SIVA1: variants seen among roughly 807,000 people sequenced by gnomAD.
The protein encoded by SIVA1 is SIVA1 apoptosis inducing factor, also known as apoptosis regulatory protein Siva.
A neutral mutation model predicts 19.7 loss-of-function variants in SIVA1; 10 were observed. That is an observed-to-expected ratio of 0.51 (90% CI 0.31 to 0.86). The LOEUF (loss-of-function observed/expected upper bound fraction) is 0.86, where lower values mean the gene tolerates loss of function less well. SIVA1 is among the 40% of genes least tolerant of loss of function. The pLI, the probability that SIVA1 is intolerant of heterozygous loss-of-function variation, is 0.04. For missense variants in SIVA1, 241 were observed against 245.2 expected, an observed-to-expected ratio of 0.98 and a Z score of 0.11; for synonymous variants, 130 against 106.1, an observed-to-expected ratio of 1.23 and a Z score of -1.39.
At chr14:104,756,146 C>G in intron 2 of SIVA1, 1 of 490,036 alleles carries the variant, frequency 2.0e-6, no homozygotes, top group South Asian at 2.0e-5. Context: ...AGTGTGGGGT[C>G]TCAGAGCATC....
rs1017667212 is a variant in SIVA1, at chr14:104,759,186, G to A, written c.471-242G>A. 4.1e-5 allele frequency: 16 copies of A among 392,508 alleles called. No individual in the cohort carries two copies. The highest frequency in any genetic ancestry group is 3.1e-4 in the South Asian group (6 of 19,334). The allele number at this position is 392,508 out of a possible 1,614,324, so 24.3% of individuals were successfully genotyped here. A position where few individuals can be genotyped will look rare whatever the true frequency, so the allele number is the denominator to read the frequency against. On this transcript the variant is annotated intron_variant, in intron 3 of 3. Coordinates refer to ENST00000329967, the MANE Select transcript of SIVA1 (RefSeq NM_006427.4). This position sits in a 1 kb window ranked among gnomAD's most constrained non-coding sequence, Gnocchi z 4.2. ...TGCCCCCTCCCTGTATCTTCATGTC[G>A]TCTTCCTTCTCTGTGTCCTTCTCTT...
At chr14:104,755,961 C>A in intron 2 of SIVA1, 137 bp downstream of exon 2, 1 of 814,346 alleles carries the variant, frequency 1.2e-6, no homozygotes, top group Non-Finnish European at 2.1e-6. Context: ...CCTTCTGGCT[C>A]AGAAGGCTCC....
rs368173980 is a variant in SIVA1, at chr14:104,755,208, A to T, written c.119-422A>T. 2.7e-4 allele frequency among the ~76,000 whole-genome samples: 41 copies of T among 152,316 alleles called. No individual in the cohort carries two copies. In the East Asian group the frequency reaches 4.2e-3, roughly 16 times the overall value. ...GACGAGTTTTGTGAATTAGTGCTCC[A>T]CAGTGCAGAGCTCCCTCTGTGCATT... is the stretch of plus-strand genomic sequence containing the variant. On this transcript the variant is annotated intron_variant, in intron 1 of 3. Transcript: ENST00000329967.
At chr14:104,754,177 C>G (rs570074452) in intron 1 of SIVA1, among the ~76,000 whole-genome samples, 115 of 152,206 alleles carry the variant, frequency 7.6e-4, no homozygotes, top group Non-Finnish European at 1.5e-3. Context: ...GATTAATACC[C>G]TGGGGCAGGT....
chr14:104,756,996 C>G, intron 3 of SIVA1: 1 of 570,748 alleles, frequency 1.8e-6, no homozygotes, highest in Admixed American at 3.3e-5. Flanking sequence ...GTATCCGGCT[C>G]TAGTCCCTGT....
chr14:104,753,370 G>A (rs1281433825), intron 1 of SIVA1, 51 bp downstream of exon 1: 1 of 1,297,902 alleles, frequency 7.7e-7, no homozygotes, highest in South Asian at 1.3e-5. Flanking sequence ...GCCTGGAACG[G>A]GCCGGGCCTC....
At position 104,756,332 on chromosome 14, in the gene SIVA1, T is replaced by C. The variant is rs143755368; in HGVS notation, c.314-272T>C. ...AGGGGAAGAATGGTCCTTCCAGCAC[T>C]AGCCTCCAGGTAGCAGAGGGACCTG... On this transcript the variant is annotated intron_variant, in intron 2 of 3. Coordinates refer to ENST00000329967, the MANE Select transcript of SIVA1 (RefSeq NM_006427.4). The C allele has an allele frequency of 8.7e-4, 477 of 545,690 alleles. 5 individuals carry two copies. Among genetic ancestry groups the C allele is most frequent in the African/African-American group, 6.4e-3 (339 of 52,808 alleles). The allele number at this position is 545,690 out of a possible 1,614,324, so 33.8% of individuals were successfully genotyped here.
At chr14:104,756,797 T>G (rs745712342) in intron 3 of SIVA1, 37 bp downstream of exon 3, 2 of 1,573,550 alleles carry the variant, frequency 1.3e-6, no homozygotes, top group African/African-American at 2.7e-5. Flanking sequence ...TGAGATCCCA[T>G]AGCCCCAGCA....
At chr14:104,757,179 G>A in intron 3 of SIVA1, 1 of 350,508 alleles carries the variant, frequency 2.9e-6, no homozygotes, top group Non-Finnish European at 5.7e-6. Flanking sequence ...GCAGGAAGTG[G>A]AGTGTTTGTG....
At chr14:104,756,136 A>C (rs1349302675) in intron 2 of SIVA1, 6 of 508,568 alleles carry the variant, frequency 1.2e-5, no homozygotes, top group Non-Finnish European at 2.2e-5. Context: ...ATCCCTATGC[A>C]GTGTGGGGTC....
At position 104,755,769 on chromosome 14, in the gene SIVA1, G is replaced by A; in HGVS notation, c.258G>A (p.Met86Ile). 6.2e-7 allele frequency: 1 copy of A among 1,614,120 alleles called. No individual in the cohort carries two copies. The highest frequency in any genetic ancestry group is 8.5e-7 in the Non-Finnish European group (1 of 1,180,038). Residue 86 changes from methionine (M) to isoleucine (I), a missense_variant, in exon 2 of 4, where the codon ATG becomes ATA. By Grantham distance (10) the Met-to-Ile change is conservative (BLOSUM62 1). Transcript: ENST00000329967. ...CCCCGAGGGCTGCACGTGGGCAGAT[G>A]CTGATTGGACCAGACGGCCGCCTGA... Reference protein sequence around the residue: ...TGAPRAARGQMLIGPDGRLIR... With the variant: ...TGAPRAARGQILIGPDGRLIR...
At chr14:104,753,420 C>T (rs1473105863) in intron 1 of SIVA1, 101 bp downstream of exon 1, 56 of 776,258 alleles carry the variant, frequency 7.2e-5, no homozygotes, top group Non-Finnish European at 1.1e-4. Context: ...CTGGAGGGCC[C>T]TGCTTTCTGG....
At chr14:104,754,334 G>GT (rs1891814739) in intron 1 of SIVA1, among the ~76,000 whole-genome samples, 1 of 152,198 alleles carries the variant, frequency 6.6e-6, no homozygotes, top group Non-Finnish European at 1.5e-5. Context: ...AGGTTCCTCT[G>GT]TGCGGTGTCT....
rs1321593590 is a variant in SIVA1, at chr14:104,753,159, G to T, written c.-43G>T. 1 of 1,335,516 alleles carries T rather than the reference G, an allele frequency of 7.5e-7. No homozygotes were observed. Among genetic ancestry groups the T allele is most frequent in the East Asian group, 2.6e-5 (1 of 39,186 alleles). The allele number at this position is 1,335,516 out of a possible 1,614,324, so 82.7% of individuals were successfully genotyped here. ...GTGACGTCACGGCGTCGTTGGTAAG[G>T]GGCTGGCGGCCGGGGAGCTGCGTAG... On this transcript the variant is annotated 5_prime_UTR_variant, in exon 1 of 4. Transcript: ENST00000329967.
intron 2 of SIVA1, 95 bp from the exon 3 acceptor site, chr14:104,756,509 C>T: frequency 1.4e-6 from 2 of 1,457,206 alleles, no homozygotes; most frequent in Non-Finnish European, 1.9e-6. Flanking sequence ...GGTCAGAGCC[C>T]TCTGCCCTCA....
At position 104,755,759 on chromosome 14, in the gene SIVA1, G is replaced by A. The variant is rs375654371; in HGVS notation, c.248G>A (p.Arg83His). Reference protein sequence around the residue: ...PGPTGAPRAARGQMLIGPDGR... With the variant: ...PGPTGAPRAAHGQMLIGPDGR... ...CCTACAGGGGCCCCGAGGGCTGCACGTGGGCAGATGCTGATTGGACCAGAC... is the reference window on the plus strand; with the variant it reads ...CCTACAGGGGCCCCGAGGGCTGCACATGGGCAGATGCTGATTGGACCAGAC... Residue 83 changes from arginine (R) to histidine (H), a missense_variant, in exon 2 of 4, where the codon CGT becomes CAT. By Grantham distance (29) the Arg-to-His change is conservative. Coordinates refer to ENST00000329967, the MANE Select transcript of SIVA1 (RefSeq NM_006427.4). 2.2e-4 allele frequency: 363 copies of A among 1,613,982 alleles called. No homozygotes were observed. The highest frequency in any genetic ancestry group is 5.2e-4 in the Admixed American group (31 of 59,990).
chr14:104,753,422 G>A, intron 1 of SIVA1, 103 bp downstream of exon 1: 1 of 763,494 alleles, frequency 1.3e-6, no homozygotes. Flanking sequence ...GGAGGGCCCT[G>A]CTTTCTGGCC....
In SIVA1 at chr14:104,759,551, C is replaced by T. The variant is rs14905; in HGVS notation, c.*66C>T. On this transcript the variant is annotated 3_prime_UTR_variant, in exon 4 of 4. Coordinates refer to ENST00000329967, the MANE Select transcript of SIVA1 (RefSeq NM_006427.4). This position sits in a 1 kb window ranked among gnomAD's most constrained non-coding sequence, Gnocchi z 4.2. ...TGCATGGCAGCCTTCCCTGGACGAG[C>T]GCTCGGTGTTCACACTGAACTGTGG... The T allele has an allele frequency of 2.8e-3, 3,871 of 1,389,686 alleles. 80 individuals are homozygous for T. The African/African-American group carries it at 0.048, about 17-fold the overall frequency. The allele number at this position is 1,389,686 out of a possible 1,614,324, so 86.1% of individuals were successfully genotyped here.
At chr14:104,755,868 A>T (rs1471707537) in intron 2 of SIVA1, 44 bp downstream of exon 2, 2 of 1,556,796 alleles carry the variant, frequency 1.3e-6, no homozygotes, top group African/African-American at 2.7e-5. Context: ...CACTGAGGGC[A>T]GGTGGTGGCA....
Sources: allele counts gnomAD v4.1 joint callset (sites outside exome capture counted in the v4.1 genomes callset), GRCh38; gene constraint gnomAD v4.1.1; non-coding constraint Gnocchi (gnomAD v3.1); transcripts MANE v1.5; gene names NCBI Gene and HGNC (gene_info 2026-07-23, HGNC 2026-07-21).